The following VWA5B1 variants were observed in gnomAD, a reference collection of about 807,000 sequenced individuals.
The protein encoded by VWA5B1 is von Willebrand factor A domain-containing protein 5B1.
In VWA5B1, 115 loss-of-function variants were observed where a neutral mutation model predicts 118.2. The observed-to-expected ratio is 0.97, with a 90% CI of 0.84 to 1.14. The LOEUF (loss-of-function observed/expected upper bound fraction) is 1.14, where lower values mean the gene tolerates loss of function less well. VWA5B1 is among the 50% of genes most tolerant of loss of function. The pLI, the probability that VWA5B1 is intolerant of heterozygous loss-of-function variation, is 0.00. For synonymous variants in VWA5B1, 682 were observed against 658.4 expected (o/e 1.04, Z -0.55); for missense variants, 1,596 against 1,603.8 (o/e 1.00, Z 0.08).
chr1:20,315,998 G>C (rs1398042943), intron 4 of VWA5B1, among the ~76,000 whole-genome samples: 1 of 152,208 alleles, frequency 6.6e-6, no homozygotes, highest in Non-Finnish European at 1.5e-5. Flanking sequence ...CACTGAGTGG[G>C]TCCTAATACG....
rs2089821492 is a variant in VWA5B1, at chr1:20,339,598, T to G, written c.2133+1762T>G. Among the ~76,000 whole-genome samples the G allele has an allele frequency of 2.0e-5, 3 of 152,122 alleles. No individual in the cohort carries two copies. The South Asian group carries it at 6.2e-4, about 32-fold the overall frequency. ...AATGGGCTTTATGTAGATTTGTCCTTGTAAGGCAGTGGTTCCATAAAAGCA... is the reference window on the plus strand; with the variant it reads ...AATGGGCTTTATGTAGATTTGTCCTGGTAAGGCAGTGGTTCCATAAAAGCA... On this transcript the variant is annotated intron_variant, in intron 14 of 21. Coordinates refer to ENST00000289815, the MANE Select transcript of VWA5B1 (RefSeq NM_001039500.3).
At position 20,317,681 on chromosome 1, in the gene VWA5B1, A is replaced by C; in HGVS notation, c.709+6A>C. ...TGGGCCATGTCTGCTCGCAGGTGAG[A>C]GGGAGACATCCAGACGGGATGGGTG... On this transcript the variant is annotated splice_donor_region_variant and intron_variant, in intron 5 of 21. Transcript: ENST00000289815. The C allele has an allele frequency of 6.5e-7, 1 of 1,549,478 alleles. No homozygotes were observed. The highest frequency in any genetic ancestry group is 1.7e-4 in the Middle Eastern group (1 of 5,974).
intron 1 of VWA5B1, chr1:20,294,242 C>G (rs1299164923): frequency 6.6e-6 from 1 of 152,188 alleles, no homozygotes; most frequent in African/African-American, 2.4e-5. Context: ...ATTGAGTCAA[C>G]TGCTTATGCA....
At chr1:20,303,068 C>A (rs906731605) in intron 1 of VWA5B1, 1 of 152,226 alleles carries the variant, frequency 6.6e-6, no homozygotes, top group East Asian at 1.9e-4. Flanking sequence ...AGAGAACCTA[C>A]CGACTTGGCC....
chr1:20,327,338 C>T (rs1417162272), intron 8 of VWA5B1, among the ~76,000 whole-genome samples: 1 of 152,146 alleles, frequency 6.6e-6, no homozygotes, highest in Non-Finnish European at 1.5e-5. Flanking sequence ...TAAAGTACAT[C>T]CTGTGTACCT....
At chr1:20,348,141 A>T in intron 17 of VWA5B1, 104 bp from the exon 18 acceptor site, 1 of 1,085,840 alleles carries the variant, frequency 9.2e-7, no homozygotes, top group Non-Finnish European at 1.4e-6. Flanking sequence ...GCCTTTGGAT[A>T]ATTGAAAGAT....
chr1:20,304,354 G>T (rs780210431), intron 1 of VWA5B1, among the ~76,000 whole-genome samples: 7 of 152,138 alleles, frequency 4.6e-5, no homozygotes, highest in Non-Finnish European at 8.8e-5. Context: ...GGCAAAGGGA[G>T]GCAAAGAACC....
Position 20,317,566 on chromosome 1 carries a change from C to G in VWA5B1, c.600C>G (p.Gly200=), listed in dbSNP as rs61743892. 1.3e-6 allele frequency: 2 copies of G among 1,551,780 alleles called. No individual in the cohort carries two copies. Among genetic ancestry groups the G allele is most frequent in the Non-Finnish European group, 1.7e-6 (2 of 1,147,002 alleles). ...ACTGCTTCGGTGCCTGGGCCCCGGGCTCCTGGAATAAGTTGTGCCTGGCGA... is the reference window on the plus strand; with the variant it reads ...ACTGCTTCGGTGCCTGGGCCCCGGGGTCCTGGAATAAGTTGTGCCTGGCGA... ...DRHCFGAWAP[G]SWNKLCLATL... is the part of the protein sequence containing the mutation. Residue 200 remains glycine (G), a synonymous_variant, in exon 5 of 22, where the codon GGC becomes GGG. Transcript: ENST00000289815.
At position 20,355,890 on chromosome 1, in the gene VWA5B1, C is replaced by T. The variant is rs1454319900; in HGVS notation, c.*1627C>T. Among the ~76,000 whole-genome samples the T allele has an allele frequency of 6.6e-6, 1 of 151,808 alleles. No individual in the cohort carries two copies. The highest frequency in any genetic ancestry group is 1.9e-4 in the East Asian group (1 of 5,158). On this transcript the variant is annotated 3_prime_UTR_variant, in exon 22 of 22. Coordinates refer to ENST00000289815, the MANE Select transcript of VWA5B1 (RefSeq NM_001039500.3). Reference sequence around the variant, plus strand: ...ACTTAAGATGAAATCCCATTGCTGCCTTGTGGACTGGCTCTGCTTCAGACT... The same window carrying T: ...ACTTAAGATGAAATCCCATTGCTGCTTTGTGGACTGGCTCTGCTTCAGACT...
At chr1:20,321,546 C>T (rs1303496003) in intron 7 of VWA5B1, among the ~76,000 whole-genome samples, 1 of 152,180 alleles carries the variant, frequency 6.6e-6, no homozygotes, top group African/African-American at 2.4e-5. Context: ...GATTGAGCCA[C>T]TGCACTCCAG....
At chr1:20,329,380 C>T (rs1477891418) in intron 9 of VWA5B1, among the ~76,000 whole-genome samples, 3 of 136,190 alleles carry the variant, frequency 2.2e-5, no homozygotes, top group Non-Finnish European at 4.6e-5. Context: ...TTGATCTTGG[C>T]TCACTGCAAC....
chr1:20,357,189 G>A lies in VWA5B1; in HGVS notation c.*2926G>A, dbSNP rs2090245197. 6.6e-6 allele frequency among the ~76,000 whole-genome samples: 1 copy of A among 152,174 alleles called. No homozygotes were observed. The highest frequency in any genetic ancestry group is 2.4e-5 in the African/African-American group (1 of 41,436). On this transcript the variant is annotated 3_prime_UTR_variant, in exon 22 of 22. Coordinates refer to ENST00000289815, the MANE Select transcript of VWA5B1 (RefSeq NM_001039500.3). ...GAAAAACACTGAGCTGAGAGTTGAG[G>A]AACCCAAGCATGGGTCCCAACTCCA...
chr1:20,343,111 G>C lies in VWA5B1; in HGVS notation c.2344G>C (p.Glu782Gln). 1 of 1,536,940 alleles carries C rather than the reference G, an allele frequency of 6.5e-7. No homozygotes were observed. The highest frequency in any genetic ancestry group is 8.8e-7 in the Non-Finnish European group (1 of 1,137,268). The change falls in exon 16 of 22, where the codon GAG becomes CAG. Residue 782 changes from glutamate to glutamine, a missense_variant. By Grantham distance (29) the Glu-to-Gln change is conservative (BLOSUM62 2). Transcript: ENST00000289815. Reference protein sequence around the residue: ...PSHHPSAFETETSSDWDPPAE... With the variant: ...PSHHPSAFETQTSSDWDPPAE... ...CCACCATCCCTCTGCCTTCGAGACA[G>C]AGACGTCCTCGGACTGGGACCCCCC...
rs2090049885 is a variant in VWA5B1 at position 20,348,259 on chromosome 1, A to G, written c.2779A>G (p.Met927Val). 1 of 1,551,644 alleles carries G rather than the reference A, an allele frequency of 6.4e-7. No homozygotes were observed. The highest frequency in any genetic ancestry group is 1.2e-5 in the South Asian group (1 of 84,064). ...EYPNSGAALRMLGSRALAQQW... is the reference protein window; with the variant it reads ...EYPNSGAALRVLGSRALAQQW... ...CTTCCGCGAAGGAGCTGCCCTGCGTATGCTTGGCTCTCGGGCCCTGGCCCA... is the reference window on the plus strand; with the variant it reads ...CTTCCGCGAAGGAGCTGCCCTGCGTGTGCTTGGCTCTCGGGCCCTGGCCCA... The change falls in exon 18 of 22, where the codon ATG becomes GTG. Residue 927 changes from methionine to valine, a missense_variant. By Grantham distance (21) the Met-to-Val change is conservative. Coordinates refer to ENST00000289815, the MANE Select transcript of VWA5B1 (RefSeq NM_001039500.3).
At chr1:20,349,557 A>G (rs1026390768) in intron 18 of VWA5B1, among the ~76,000 whole-genome samples, 2 of 151,640 alleles carry the variant, frequency 1.3e-5, no homozygotes, top group East Asian at 1.9e-4. Flanking sequence ...CTCATTTTAT[A>G]TTTTTAGTAG....
chr1:20,312,527 C>G (rs944214075), intron 2 of VWA5B1, among the ~76,000 whole-genome samples: 7 of 152,200 alleles, frequency 4.6e-5, no homozygotes, highest in African/African-American at 1.7e-4. Flanking sequence ...ACTGACCACA[C>G]AGATGTGCTA....
At chr1:20,337,874 G>C in intron 14 of VWA5B1, 38 bp downstream of exon 14, 1 of 1,551,048 alleles carries the variant, frequency 6.4e-7, no homozygotes, top group Non-Finnish European at 8.7e-7. Context: ...AGCTGGGGAA[G>C]GCGACAGGCA....
intron 1 of VWA5B1, among the ~76,000 whole-genome samples, chr1:20,293,424 T>G (rs1283721783): frequency 6.6e-6 from 1 of 152,212 alleles, no homozygotes; most frequent in East Asian, 1.9e-4. Flanking sequence ...GCAGCACTCC[T>G]CCAGGCCACT....
At chr1:20,328,442 A>G (rs2089452197) in intron 9 of VWA5B1, among the ~76,000 whole-genome samples, 1 of 152,144 alleles carries the variant, frequency 6.6e-6, no homozygotes, top group African/African-American at 2.4e-5. Context: ...GGAACTCACA[A>G]GGCTCAAGAT....
Sources: allele counts gnomAD v4.1 joint callset (sites outside exome capture counted in the v4.1 genomes callset), GRCh38; gene constraint gnomAD v4.1.1; transcripts MANE v1.5; gene names NCBI Gene and HGNC (gene_info 2026-07-23, HGNC 2026-07-21).